The following KPNA5 variants were observed in gnomAD, a reference collection of about 807,000 sequenced individuals.
The protein encoded by KPNA5 is karyopherin subunit alpha 5, also known as importin subunit alpha-6.
In KPNA5, 46 loss-of-function variants were observed where a neutral mutation model predicts 71.3. That is an observed-to-expected ratio of 0.65 (90% confidence interval 0.51 to 0.83). The LOEUF (loss-of-function observed/expected upper bound fraction) is 0.83, where lower values mean the gene tolerates loss of function less well. Among genes scored for constraint, KPNA5 ranks in the 40% least tolerant of loss-of-function variants. The pLI is 0.00. For synonymous variants in KPNA5, 207 were observed against 201.4 expected, an observed-to-expected ratio of 1.03 and a Z score of -0.24; for missense variants, 547 against 628.3, an observed-to-expected ratio of 0.87 and a Z score of 1.38.
intron 6 of KPNA5, 52 bp from the exon 7 acceptor site, chr6:116,705,020 G>C (rs1778384997): frequency 7.6e-7 from 1 of 1,307,538 alleles, no homozygotes; most frequent in Admixed American, 1.9e-5. Flanking sequence ...ATTCCTAAAG[G>C]AAAGCCTCTA....
intron 7 of KPNA5, among the ~76,000 whole-genome samples, chr6:116,711,787 A>G (rs186596195): frequency 6.6e-5 from 10 of 152,174 alleles, no homozygotes; most frequent in African/African-American, 2.4e-4. Context: ...AAGCCCAGCT[A>G]ATTTTTGTAT....
intron 8 of KPNA5, among the ~76,000 whole-genome samples, chr6:116,718,915 C>T (rs1006055705): frequency 3.3e-5 from 5 of 151,178 alleles, no homozygotes; most frequent in African/African-American, 1.2e-4. Flanking sequence ...TTACAGACAC[C>T]TGCCACCATG....
rs1486484932 is a variant in KPNA5 at position 116,702,073 on chromosome 6, A to G, written c.490A>G (p.Lys164Glu). Residue 164 changes from lysine to glutamate, a missense_variant, in exon 6 of 14, where the codon AAG becomes GAG. By Grantham distance (56) the Lys-to-Glu change is moderately conservative (BLOSUM62 1). Coordinates refer to ENST00000368564, the MANE Select transcript of KPNA5 (RefSeq NM_001366306.2). ...NIASGTFLHT[K>E]VVIETGAVPI... ...AGCATCTGGAACTTTTCTGCATACC[A>G]AGGTAGTGATTGAAACTGGGGCTGT... The G allele has an allele frequency of 2.5e-6, 4 of 1,613,728 alleles. No individual in the cohort carries two copies. The highest frequency in any genetic ancestry group is 3.4e-6 in the Non-Finnish European group (4 of 1,179,856).
intron 8 of KPNA5, among the ~76,000 whole-genome samples, chr6:116,718,123 G>A (rs139940692): frequency 6.6e-5 from 10 of 152,150 alleles, no homozygotes; most frequent in African/African-American, 2.4e-4. Context: ...GCCCTCTCAT[G>A]CCCTGCTTAA....
rs780939609 is a variant in KPNA5 at position 116,692,093 on chromosome 6, T to G, written c.177T>G (p.Asp59Glu). ...KRRNVYLPRN[D>E]ESMLESPIQD... is the part of the protein sequence containing the mutation. ...GAAATGTCTATTTGCCCAGAAATGA[T>G]GAATCTATGCTTGAAAGTCCTATAC... The change falls in exon 3 of 14, where the codon GAT becomes GAG. Residue 59 changes from aspartate to glutamate, a missense_variant. Transcript: ENST00000368564. 7 of 1,613,150 alleles carry G rather than the reference T, an allele frequency of 4.3e-6. No individual in the cohort carries two copies. In the South Asian group the frequency reaches 7.7e-5, roughly 18 times the overall value.
chr6:116,730,719 T>A (rs931255484), intron 13 of KPNA5, among the ~76,000 whole-genome samples: 1 of 152,180 alleles, frequency 6.6e-6, no homozygotes, highest in Non-Finnish European at 1.5e-5. Flanking sequence ...ACTCAGCAGA[T>A]GTAAAATAGT....
rs1348631156 is a variant in KPNA5 at position 116,725,885 on chromosome 6, C to T, written c.1125+9C>T. ...ATAGAGCTCAGATTCAGGTAACTACCCTTCAGATCTGAGAGTAGAACAGCA... is the reference window on the plus strand; with the variant it reads ...ATAGAGCTCAGATTCAGGTAACTACTCTTCAGATCTGAGAGTAGAACAGCA... On this transcript the variant is annotated intron_variant, in intron 11 of 13. Transcript: ENST00000368564. The T allele has an allele frequency of 1.9e-6, 3 of 1,610,556 alleles. No homozygotes were observed. Among genetic ancestry groups the T allele is most frequent in the East Asian group, 4.5e-5 (2 of 44,798 alleles).
At chr6:116,706,246 CAAGT>C (rs1778431164) in intron 7 of KPNA5, among the ~76,000 whole-genome samples, 1 of 152,164 alleles carries the variant, frequency 6.6e-6, no homozygotes, top group Admixed American at 6.6e-5. Flanking sequence ...GTTAATATCT[CAAGT>C]AGGTAGTGGT....
intron 4 of KPNA5, among the ~76,000 whole-genome samples, chr6:116,697,440 G>A (rs9481659): frequency 0.021 from 3,142 of 152,088 alleles, 103 homozygotes; most frequent in African/African-American, 0.072. Context: ...AAGGAAGAAG[G>A]AAGTCTGTTT....
intron 4 of KPNA5, among the ~76,000 whole-genome samples, chr6:116,696,970 A>G (rs1158143604): frequency 6.6e-6 from 1 of 151,934 alleles, no homozygotes; most frequent in Non-Finnish European, 1.5e-5. Context: ...ATCATATCAT[A>G]TCTATATTTA....
chr6:116,717,499 AC>A (rs533170766), intron 8 of KPNA5, among the ~76,000 whole-genome samples: 317 of 152,264 alleles, frequency 2.1e-3, no homozygotes, highest in African/African-American at 7.5e-3. Context: ...TATCCAAGTT[AC>A]TGGTGGCAAA....
At chr6:116,704,657 C>T (rs1212545712) in intron 6 of KPNA5, among the ~76,000 whole-genome samples, 3 of 152,094 alleles carry the variant, frequency 2.0e-5, no homozygotes, top group South Asian at 4.1e-4. Context: ...TCCTTGCAAC[C>T]TCTGCCTCCT....
rs868416564 is a variant in KPNA5, at chr6:116,738,329, T to C, written c.*6006T>C. The C allele has an allele frequency of 6.6e-6, 1 of 152,066 alleles. No individual in the cohort carries two copies. The highest frequency in any genetic ancestry group is 1.5e-5 in the Non-Finnish European group (1 of 68,030). 9.4% of individuals were successfully genotyped at this position (152,066 alleles called of 1,614,324 possible). A position where few individuals can be genotyped will look rare whatever the true frequency, so the allele number is the denominator to read the frequency against. ...GAAGTTGAATCTCTGAATAGACCAA[T>C]AACAGGATCTGAAATTGTGGCAATA... On this transcript the variant is annotated 3_prime_UTR_variant, in exon 14 of 14. Coordinates refer to ENST00000368564, the MANE Select transcript of KPNA5 (RefSeq NM_001366306.2).
chr6:116,729,368 A>C (rs575158708), intron 12 of KPNA5, among the ~76,000 whole-genome samples, 195 bp from the exon 13 acceptor site: 12 of 152,194 alleles, frequency 7.9e-5, no homozygotes, highest in African/African-American at 2.9e-4. Context: ...AGAATAGGTG[A>C]GTAAAGAAAA....
chr6:116,718,294 G>A (rs149851621), intron 8 of KPNA5, among the ~76,000 whole-genome samples: 7,101 of 137,828 alleles, frequency 0.052, 185 homozygotes, highest in African/African-American at 0.074. Context: ...ATGGAGTCTC[G>A]CTCTGTCACC....
chr6:116,706,519 G>A (rs1174111439), intron 7 of KPNA5, among the ~76,000 whole-genome samples: 3 of 151,826 alleles, frequency 2.0e-5, no homozygotes, highest in Non-Finnish European at 2.9e-5. Context: ...GAGAAACCCC[G>A]TCTCTACTGA....
intron 1 of KPNA5, among the ~76,000 whole-genome samples, chr6:116,687,609 A>T (rs1777640069): frequency 6.6e-6 from 1 of 152,216 alleles, no homozygotes; most frequent in South Asian, 2.1e-4. Context: ...TGTAAACACA[A>T]CAACCACTAC....
rs1257953063 is a variant in KPNA5 at position 116,734,992 on chromosome 6, A to G, written c.*2669A>G. 1 of 151,582 alleles carries G rather than the reference A, an allele frequency of 6.6e-6. No homozygotes were observed. Among genetic ancestry groups the G allele is most frequent in the Non-Finnish European group, 1.5e-5 (1 of 67,712 alleles). 9.4% of individuals were successfully genotyped at this position (151,582 alleles called of 1,614,324 possible). ...GGTGTTTTATTTTGTCTGAATCTGA[A>G]TTTCTCCTATTTAATCTATGCAATT... On this transcript the variant is annotated 3_prime_UTR_variant, in exon 14 of 14. Coordinates refer to ENST00000368564, the MANE Select transcript of KPNA5 (RefSeq NM_001366306.2).
At chr6:116,685,517 T>G (rs2114352793) in intron 1 of KPNA5, among the ~76,000 whole-genome samples, 2 of 152,324 alleles carry the variant, frequency 1.3e-5, no homozygotes, top group East Asian at 3.9e-4. Flanking sequence ...AGCTCCCACT[T>G]ATAAGTAAGA....
Sources: allele counts gnomAD v4.1 joint callset (sites outside exome capture counted in the v4.1 genomes callset), GRCh38; gene constraint gnomAD v4.1.1; transcripts MANE v1.5; gene names NCBI Gene and HGNC (gene_info 2026-07-23, HGNC 2026-07-21).